The following FAM186A variants were observed in gnomAD, a reference collection of about 807,000 sequenced individuals.
The protein encoded by FAM186A is family with sequence similarity 186 member A.
In FAM186A, 163 loss-of-function variants were observed where a neutral mutation model predicts 216.8. The ratio of observed to expected loss-of-function variants is 0.75; its 90% CI spans 0.66 to 0.86. The LOEUF (loss-of-function observed/expected upper bound fraction) is 0.86, where lower values mean the gene tolerates loss of function less well. FAM186A is among the 40% of genes least tolerant of loss of function. The pLI is 0.00. For missense variants in FAM186A, 2,184 were observed against 2,746.2 expected, an observed-to-expected ratio of 0.80 and a Z score of 4.58; for synonymous variants, 805 against 1,025.3, an observed-to-expected ratio of 0.79 and a Z score of 4.10.
chr12:50,334,192 C>A, intron 4 of FAM186A, 89 bp from the exon 5 acceptor site: 1 of 1,161,710 alleles, frequency 8.6e-7, no homozygotes. Flanking sequence ...TTTTTTGAGA[C>A]GGAGTTTCGA....
chr12:50,378,407 G>A (rs1467766222), intron 1 of FAM186A, among the ~76,000 whole-genome samples: 1 of 151,730 alleles, frequency 6.6e-6, no homozygotes, highest in African/African-American at 2.4e-5. Context: ...GCAGGCGCCT[G>A]TAATCCCAGC....
intron 4 of FAM186A, among the ~76,000 whole-genome samples, chr12:50,334,755 G>C (rs2138759591): frequency 6.6e-6 from 1 of 152,162 alleles, no homozygotes; most frequent in East Asian, 1.9e-4. Flanking sequence ...TGGGATTACA[G>C]GAGTGAGCCA....
chr12:50,363,760 T>TAAA (rs751989324), intron 1 of FAM186A, among the ~76,000 whole-genome samples: 1 of 26,724 alleles, frequency 3.7e-5, no homozygotes, highest in African/African-American at 6.0e-5. Context: ...CTGTAGCTGC[T>TAAA]AAAAAAAAAA....
At position 50,356,250 on chromosome 12, in the gene FAM186A, T is replaced by C. The variant is rs1215963175; in HGVS notation, c.584-2A>G. The C allele has an allele frequency of 1.2e-5, 19 of 1,522,678 alleles. No homozygotes were observed. In the South Asian group the frequency reaches 2.0e-4, roughly 16 times the overall value. 94.3% of individuals were successfully genotyped at this position (1,522,678 alleles called of 1,614,324 possible). On this transcript the variant is annotated splice_acceptor_variant, in intron 3 of 7. Coordinates refer to ENST00000327337, the MANE Select transcript of FAM186A (RefSeq NM_001145475.3). LOFTEE classifies it high-confidence loss of function. ...ATTTCCATAGAGTACCTCTAGATAC[T>C]GAAGAACAAAACATAAAACAGTGAG...
rs1350067061 is a variant in FAM186A, at chr12:50,350,973, C to G, written c.5859G>C (p.Lys1953Asn). Residue 1953 changes from lysine (K) to asparagine (N), a missense_variant, in exon 4 of 8, where the codon AAG becomes AAC. Around this residue, in one of 7 missense-constraint regions of FAM186A, gnomAD observed 721 missense variants for 816.4 expected, o/e 0.88. Transcript: ENST00000327337. ...PQKSWSPSVAKKRLAIISSLK... is the reference protein window; with the variant it reads ...PQKSWSPSVANKRLAIISSLK... ...GAGAAGAAATAATTGCCAATCTTTT[C>G]TTAGCAACAGAAGGGGACCAACTTT... 1 of 1,551,490 alleles carries G rather than the reference C, an allele frequency of 6.4e-7. No individual in the cohort carries two copies. The highest frequency in any genetic ancestry group is 8.7e-7 in the Non-Finnish European group (1 of 1,146,960).
At chr12:50,373,060 AAAG>A (rs1943163554) in intron 1 of FAM186A, among the ~76,000 whole-genome samples, 1 of 147,020 alleles carries the variant, frequency 6.8e-6, no homozygotes, top group Admixed American at 6.9e-5. Flanking sequence ...AGAAAGAAAG[AAAG>A]AAAGAAAGAA....
chr12:50,360,510 C>A (rs1278814041), intron 3 of FAM186A, among the ~76,000 whole-genome samples: 2 of 150,684 alleles, frequency 1.3e-5, no homozygotes, highest in African/African-American at 2.4e-5. Flanking sequence ...CATGGTGAAA[C>A]CCTGTCTCTA....
At chr12:50,328,112 AT>A (rs1371256235) in intron 7 of FAM186A, among the ~76,000 whole-genome samples, 1 of 152,238 alleles carries the variant, frequency 6.6e-6, no homozygotes, top group Non-Finnish European at 1.5e-5. Context: ...TAGGAAAATA[AT>A]TATATAAATA....
Position 50,337,725 on chromosome 12 carries a change from G to A in FAM186A, c.6504-3622C>T, listed in dbSNP as rs193188191. Among the ~76,000 whole-genome samples the A allele has an allele frequency of 9.7e-4, 147 of 151,938 alleles. 2 individuals are homozygous for A. The East Asian group carries it at 0.024, about 25-fold the overall frequency. ...ATCCTGGCCAACACGGTGAAACCCC[G>A]TCCCTACTAAAAATACAAAAATTAG... On this transcript the variant is annotated intron_variant, in intron 4 of 7. Coordinates refer to ENST00000327337, the MANE Select transcript of FAM186A (RefSeq NM_001145475.3).
At chr12:50,376,303 G>T (rs1943197667) in intron 1 of FAM186A, among the ~76,000 whole-genome samples, 1 of 152,218 alleles carries the variant, frequency 6.6e-6, no homozygotes, top group Admixed American at 6.6e-5. Flanking sequence ...TAGGAAGAAT[G>T]AGTTTACATG....
At chr12:50,383,977 G>A (rs1943278629) in intron 1 of FAM186A, among the ~76,000 whole-genome samples, 1 of 152,006 alleles carries the variant, frequency 6.6e-6, no homozygotes, top group African/African-American at 2.4e-5. Flanking sequence ...AATTAGCCAG[G>A]CATGGTGGCA....
intron 1 of FAM186A, among the ~76,000 whole-genome samples, chr12:50,373,197 G>A (rs1943166612): frequency 6.6e-6 from 1 of 152,076 alleles, no homozygotes; most frequent in African/African-American, 2.4e-5. Context: ...AGGAATTCAA[G>A]ACCAGCCTGG....
At chr12:50,384,255 G>T (rs953147618) in intron 1 of FAM186A, among the ~76,000 whole-genome samples, 1 of 151,926 alleles carries the variant, frequency 6.6e-6, no homozygotes, top group African/African-American at 2.4e-5. Context: ...GGGCAACATA[G>T]GAGACCCTGT....
Position 50,390,270 on chromosome 12 carries a change from T to G in FAM186A, c.192+6023A>C, listed in dbSNP as rs181883239. Among the ~76,000 whole-genome samples the G allele has an allele frequency of 2.9e-3, 448 of 152,234 alleles. 3 individuals are homozygous for G. The highest frequency in any genetic ancestry group is 9.6e-3 in the African/African-American group (398 of 41,540). ...TTCCTTTTTCCCAATGCACACTCTG[T>G]TACAAGGTCAGCAGAAAAAGTAATA... On this transcript the variant is annotated intron_variant, in intron 1 of 7. Transcript: ENST00000327337.
rs566220338 is a variant in FAM186A at position 50,379,109 on chromosome 12, G to A, written c.193-15745C>T. 1.3e-3 allele frequency among the ~76,000 whole-genome samples: 190 copies of A among 151,626 alleles called. 2 individuals are homozygous for A. The highest frequency in any genetic ancestry group is 4.3e-3 in the African/African-American group (178 of 41,346). Reference sequence around the variant, plus strand: ...CACCTGAGTTTAGGAGTTTGAGACCGGCCTGGCCAACATGATGAAACCCCA... The same window carrying A: ...CACCTGAGTTTAGGAGTTTGAGACCAGCCTGGCCAACATGATGAAACCCCA... On this transcript the variant is annotated intron_variant, in intron 1 of 7. Transcript: ENST00000327337.
chr12:50,360,937 G>T lies in FAM186A; in HGVS notation c.413-11C>A, dbSNP rs1482725318. On this transcript the variant is annotated splice_polypyrimidine_tract_variant and intron_variant, in intron 2 of 7. Transcript: ENST00000327337. The stretch of plus-strand genomic sequence containing the variant: ...CAGACAAAACATCATCTTGAAGAGA[G>T]TAAAAAAAAAATCATTTTTGTGCAG... The T allele has an allele frequency of 1.3e-6, 2 of 1,511,932 alleles. No homozygotes were observed. Among genetic ancestry groups the T allele is most frequent in the Admixed American group, 5.0e-5 (2 of 40,078 alleles). 93.7% of individuals were successfully genotyped at this position (1,511,932 alleles called of 1,614,324 possible).
chr12:50,359,311 T>A (rs1943009408), intron 3 of FAM186A, among the ~76,000 whole-genome samples: 1 of 151,852 alleles, frequency 6.6e-6, no homozygotes, highest in Non-Finnish European at 1.5e-5. Context: ...GGCAGGAGAA[T>A]CACTTGAACC....
intron 1 of FAM186A, among the ~76,000 whole-genome samples, chr12:50,375,826 G>A (rs1311430049): frequency 3.9e-5 from 6 of 151,912 alleles, no homozygotes; most frequent in Admixed American, 6.6e-5. Context: ...GGCCAGCGAC[G>A]CCTCTGCTTG....
rs1943415423 is a variant in FAM186A at position 50,396,463 on chromosome 12, C to T, written c.22G>A (p.Glu8Lys). ...TCTGATTCAGGGTCATTGTCTATCTCATTTTTCATTTTGAAGAACATTTTG... is the reference window on the plus strand; with the variant it reads ...TCTGATTCAGGGTCATTGTCTATCTTATTTTTCATTTTGAAGAACATTTTG... MFFKMKNEIDNDPESEKC... is the reference protein window; with the variant it reads MFFKMKNKIDNDPESEKC... The change falls in exon 1 of 8, where the codon GAG (glutamate) becomes AAG (lysine). Residue 8 changes from glutamate (E) to lysine (K), a missense_variant. This residue lies in a region of FAM186A where 1,132 missense variants were observed against 1,263.4 expected (regional missense o/e 0.90). Coordinates refer to ENST00000327337, the MANE Select transcript of FAM186A (RefSeq NM_001145475.3). 1 of 1,535,570 alleles carries T rather than the reference C, an allele frequency of 6.5e-7. No homozygotes were observed. Among genetic ancestry groups the T allele is most frequent in the East Asian group, 2.4e-5 (1 of 40,868 alleles).
Sources: allele counts gnomAD v4.1 joint callset (sites outside exome capture counted in the v4.1 genomes callset), GRCh38; gene constraint gnomAD v4.1.1; regional missense constraint gnomAD v4.1.1; transcripts MANE v1.5; gene names NCBI Gene and HGNC (gene_info 2026-07-23, HGNC 2026-07-21).